Variants in CNBD1 observed in about 807,000 individuals in gnomAD.
CNBD1 encodes the protein cyclic nucleotide binding domain containing 1.
Under a neutral mutation model 54.4 loss-of-function variants are expected in CNBD1, and 71 were observed. The observed-to-expected ratio is 1.30, with a 90% CI of 1.08 to 1.59. CNBD1 has a LOEUF of 1.59. Ranked by LOEUF, CNBD1 falls within the 40% of genes most tolerant of loss-of-function variation. The pLI is 0.00. For synonymous variants in CNBD1, 182 were observed against 170.7 expected (o/e 1.07, Z -0.51); for missense variants, 659 against 518.0 (o/e 1.27, Z -2.64).
At chr8:87,063,827 G>A (rs1431837384) in intron 4 of CNBD1, among the ~76,000 whole-genome samples, 1 of 151,828 alleles carries the variant, frequency 6.6e-6, no homozygotes, top group African/African-American at 2.4e-5. Flanking sequence ...TATATCTTTT[G>A]TTGAATTATT....
intron 6 of CNBD1, among the ~76,000 whole-genome samples, chr8:87,279,722 T>TTA (rs1399706907): frequency 2.0e-5 from 3 of 151,090 alleles, no homozygotes; most frequent in Admixed American, 6.6e-5. Context: ...TTATATATTT[T>TTA]TATATATATG....
At chr8:87,009,267 T>A (rs9918840) in intron 4 of CNBD1, among the ~76,000 whole-genome samples, 4,523 of 152,064 alleles carry the variant, frequency 0.03, 227 homozygotes, top group African/African-American at 0.1. Flanking sequence ...TCTACATATA[T>A]TTTCACACTC....
intron 4 of CNBD1, among the ~76,000 whole-genome samples, chr8:86,996,036 A>T (rs1808863256): frequency 6.6e-6 from 1 of 152,014 alleles, no homozygotes; most frequent in South Asian, 2.1e-4. Context: ...ATTTGCTCTC[A>T]TTTTCCCAAG....
chr8:87,117,856 C>G (rs898881439), intron 4 of CNBD1, among the ~76,000 whole-genome samples: 5 of 152,008 alleles, frequency 3.3e-5, no homozygotes, highest in African/African-American at 1.2e-4. Context: ...AAATCACATT[C>G]TATTTATTTA....
At chr8:87,427,047 A>T (rs1808062901) in intron 2 of CNBD1, among the ~76,000 whole-genome samples, 1 of 152,164 alleles carries the variant, frequency 6.6e-6, no homozygotes, top group Admixed American at 6.5e-5. Context: ...AGATGAGATT[A>T]TGGAAGCATT....
chr8:86,917,743 G>T (rs1050378063), intron 3 of CNBD1, among the ~76,000 whole-genome samples: 1 of 152,116 alleles, frequency 6.6e-6, no homozygotes, highest in African/African-American at 2.4e-5. Context: ...ATGATGATCA[G>T]CTGATAGCTT....
At chr8:87,226,819 T>C (rs1029768367) in intron 5 of CNBD1, among the ~76,000 whole-genome samples, 26 of 151,454 alleles carry the variant, frequency 1.7e-4, no homozygotes, top group Admixed American at 8.5e-4. Flanking sequence ...CTCGTTGATC[T>C]GTCTAATGTT....
rs189946403 is a variant in CNBD1, at chr8:86,939,768, A to T, written c.431+14A>T. The T allele has an allele frequency of 2.8e-5, 40 of 1,429,972 alleles. No individual in the cohort carries two copies. In the African/African-American group the frequency reaches 4.4e-4, roughly 16 times the overall value. The allele number at this position is 1,429,972 out of a possible 1,614,324, so 88.6% of individuals were successfully genotyped here. ...CTTAAAGAAATTGTAAGTATTTAAA[A>T]TATATTCCTTCTTCTAATTGAGTAA... On this transcript the variant is annotated intron_variant, in intron 4 of 10. Coordinates refer to ENST00000518476, the MANE Select transcript of CNBD1 (RefSeq NM_173538.3).
chr8:87,216,361 T>A (rs925008867), intron 5 of CNBD1, among the ~76,000 whole-genome samples: 4 of 152,180 alleles, frequency 2.6e-5, no homozygotes, highest in African/African-American at 9.6e-5. Flanking sequence ...ATCAGAGACA[T>A]CAGTATGCCA....
In CNBD1 at chr8:87,394,043, A is replaced by G. The variant is rs530077154; in HGVS notation, c.214-34503A>G. Among the ~76,000 whole-genome samples, 5 of 151,986 alleles carry G rather than the reference A, an allele frequency of 3.3e-5. No homozygotes were observed. In the South Asian group the frequency reaches 8.3e-4, roughly 25 times the overall value. ...CAACTTCTAGTTTAAAAATAAAATA[A>G]TAGTAACAATAATTTAAAAGGTACA... On this transcript the variant is annotated intron_variant, in intron 2 of 7. Coordinates refer to the CNBD1 transcript ENST00000521593.
intron 3 of CNBD1, among the ~76,000 whole-genome samples, chr8:86,911,407 A>G (rs1056958384): frequency 6.6e-6 from 1 of 152,238 alleles, no homozygotes; most frequent in African/African-American, 2.4e-5. Context: ...ACAAATAGTA[A>G]GCATCCAAAG....
intron 6 of CNBD1, among the ~76,000 whole-genome samples, chr8:87,249,150 T>C (rs2130837342): frequency 6.6e-6 from 1 of 152,254 alleles, no homozygotes; most frequent in Non-Finnish European, 1.5e-5. Flanking sequence ...AGTACTAGCA[T>C]CACTGCCTCA....
chr8:87,183,427 C>T lies in CNBD1; in HGVS notation c.432-22566C>T, dbSNP rs1432065060. ...TTGCTAATGATGGCTATATTATTTT[C>T]CCACATTTGTATTGTTTTACCACTT... On this transcript the variant is annotated intron_variant, in intron 4 of 10. Transcript: ENST00000518476. Among the ~76,000 whole-genome samples, 28 of 110,362 alleles carry T rather than the reference C, an allele frequency of 2.5e-4. 1 individual carries two copies. The highest frequency in any genetic ancestry group is 8.4e-4 in the African/African-American group (25 of 29,594). The allele number at this position is 110,362 out of a possible 152,430, so 72.4% of individuals were successfully genotyped here. A position where few individuals can be genotyped will look rare whatever the true frequency, so the allele number is the denominator to read the frequency against.
chr8:87,178,902 C>T (rs368289750), intron 4 of CNBD1, among the ~76,000 whole-genome samples: 1 of 151,906 alleles, frequency 6.6e-6, no homozygotes, highest in African/African-American at 2.4e-5. Context: ...ATAGCTTTTG[C>T]TTGTTTGTTT....
intron 6 of CNBD1, among the ~76,000 whole-genome samples, chr8:87,278,568 T>C (rs749788701): frequency 3.3e-5 from 5 of 151,518 alleles, no homozygotes; most frequent in Non-Finnish European, 5.9e-5. Context: ...AGTAAAACCA[T>C]CTTTTTGAAT....
intron 10 of CNBD1, among the ~76,000 whole-genome samples, chr8:87,368,603 C>T (rs1412114153): frequency 6.6e-6 from 1 of 151,964 alleles, no homozygotes; most frequent in East Asian, 1.9e-4. Context: ...AGCCACTTCA[C>T]TCCACCCTGG....
intron 4 of CNBD1, among the ~76,000 whole-genome samples, chr8:86,952,612 T>A (rs1807653976): frequency 2.0e-5 from 3 of 151,852 alleles, no homozygotes; most frequent in Admixed American, 2.0e-4. Flanking sequence ...ATATAACATG[T>A]TATTAAATGT....
At chr8:87,203,944 C>T (rs1813915262) in intron 4 of CNBD1, among the ~76,000 whole-genome samples, 1 of 152,162 alleles carries the variant, frequency 6.6e-6, no homozygotes, top group Non-Finnish European at 1.5e-5. Flanking sequence ...GTAAAATCCT[C>T]CACCCTAACA....
rs1483342968 is a variant in CNBD1 at position 87,206,078 on chromosome 8, A to G, written c.517A>G (p.Lys173Glu). The G allele has an allele frequency of 6.2e-7, 1 of 1,607,462 alleles. No homozygotes were observed. ...AGATTTAACCTTTCAGCTAAATGAT[A>G]AGCATCTGAAAACACTTAGTAAGAC... is the stretch of plus-strand genomic sequence containing the variant. ...IPDLTFQLNDKHLKTLSKTVF... is the reference protein window; with the variant it reads ...IPDLTFQLNDEHLKTLSKTVF... The change falls in exon 5 of 11, where the codon AAG becomes GAG. Residue 173 changes from lysine (K) to glutamate (E), a missense_variant. Physicochemically the swap from Lys to Glu is moderately conservative, Grantham distance 56. Transcript: ENST00000518476.
Sources: gnomAD v4.1 joint callset for allele counts (sites outside exome capture counted in the v4.1 genomes callset) on GRCh38, gnomAD v4.1.1 for gene constraint, MANE v1.5 for transcripts, NCBI Gene and HGNC (gene_info 2026-07-23, HGNC 2026-07-21) for gene names.